Variants in PPP2R5A observed in about 807,000 individuals in gnomAD.
PPP2R5A encodes the protein serine/threonine-protein phosphatase 2A 56 kDa regulatory subunit alpha isoform.
PPP2R5A carries 25 observed loss-of-function variants against 64.2 expected under a neutral mutation model. The observed-to-expected ratio is 0.39, with a 90% CI of 0.28 to 0.54. The LOEUF (loss-of-function observed/expected upper bound fraction) is 0.54. Among genes scored for constraint, PPP2R5A ranks in the 20% least tolerant of loss-of-function variants. The pLI is 0.67. For missense variants in PPP2R5A, 425 were observed against 576.3 expected (o/e 0.74, Z 2.69); for synonymous variants, 198 against 201.2 (o/e 0.98, Z 0.13).
chr1:212,294,198 G>A (rs907952344), intron 1 of PPP2R5A, among the ~76,000 whole-genome samples: 3 of 151,926 alleles, frequency 2.0e-5, no homozygotes, highest in African/African-American at 7.3e-5. Flanking sequence ...TTGTATCAAG[G>A]ATATTCCATA....
chr1:212,329,182 C>T lies in PPP2R5A; in HGVS notation c.229C>T (p.Gln77Ter). The T allele has an allele frequency of 6.4e-7, 1 of 1,573,790 alleles. No individual in the cohort carries two copies. The highest frequency in any genetic ancestry group is 8.6e-7 in the Non-Finnish European group (1 of 1,162,242). Residue 77 changes from glutamine (Q) to a stop codon, truncating the protein, a stop_gained, in exon 2 of 13, where the codon CAG (glutamine) becomes TAG (stop). Coordinates refer to ENST00000261461, the MANE Select transcript of PPP2R5A (RefSeq NM_006243.4). LOFTEE classifies it high-confidence loss of function. ...QQELFCQKLQ[Q>*]CCILFDFMDS... ...AGAGCTTTTCTGTCAGAAGTTGCAG[C>T]AGTGTTGTATACTGTTTGATTTCAT...
chr1:212,317,549 C>T (rs1659180505), intron 1 of PPP2R5A, among the ~76,000 whole-genome samples: 2 of 151,960 alleles, frequency 1.3e-5, no homozygotes, highest in African/African-American at 4.8e-5. Context: ...TACATACTTC[C>T]ATGACATAAT....
At chr1:212,308,805 C>T (rs981049291) in intron 1 of PPP2R5A, among the ~76,000 whole-genome samples, 4 of 152,078 alleles carry the variant, frequency 2.6e-5, no homozygotes, top group Non-Finnish European at 5.9e-5. Flanking sequence ...TGCATAATTT[C>T]TGTTGATGTA....
At chr1:212,314,619 C>G (rs1450637137) in intron 1 of PPP2R5A, among the ~76,000 whole-genome samples, 1 of 148,974 alleles carries the variant, frequency 6.7e-6, no homozygotes, top group Non-Finnish European at 1.5e-5. Context: ...TGCAGTGGCT[C>G]AAGTCTCAGC....
chr1:212,312,181 G>A (rs1051572895), intron 1 of PPP2R5A, among the ~76,000 whole-genome samples: 4 of 152,206 alleles, frequency 2.6e-5, no homozygotes, highest in African/African-American at 9.7e-5. Context: ...ATAGTAGCAT[G>A]CTGACAGTTT....
intron 1 of PPP2R5A, among the ~76,000 whole-genome samples, chr1:212,302,394 T>C (rs1385594349): frequency 6.6e-6 from 1 of 152,218 alleles, no homozygotes; most frequent in East Asian, 1.9e-4. Flanking sequence ...TTTAGTATTA[T>C]AAGTTATAGG....
intron 1 of PPP2R5A, among the ~76,000 whole-genome samples, chr1:212,322,014 C>T (rs867725725): frequency 0.023 from 3,409 of 150,202 alleles, 43 homozygotes; most frequent in African/African-American, 0.027. Flanking sequence ...AGCGAAACCC[C>T]GTCTCCACCA....
chr1:212,348,280 A>G, intron 6 of PPP2R5A, 109 bp from the exon 7 acceptor site: 1 of 701,828 alleles, frequency 1.4e-6, no homozygotes, highest in Non-Finnish European at 2.5e-6. Flanking sequence ...CAGTCATACA[A>G]CACCAGGATT....
In PPP2R5A at chr1:212,286,287, C is replaced by A; in HGVS notation, c.177C>A (p.Leu59=). 6.6e-7 allele frequency: 1 copy of A among 1,516,544 alleles called. No homozygotes were observed. 93.9% of individuals were successfully genotyped at this position (1,516,544 alleles called of 1,614,324 possible). A position where few individuals can be genotyped will look rare whatever the true frequency, so the allele number is the denominator to read the frequency against. Residue 59 remains leucine (L), a synonymous_variant, in exon 1 of 13, where the codon CTC becomes CTA. Transcript: ENST00000261461. ...CAGAGCTGCACCCGCTGCCCCAGCT[C>A]AAAGGTAACCTCCGAGGGCGCAGCC... ...SQAELHPLPQ[L]KDATSNEQQE...
Position 212,358,779 on chromosome 1 carries a change from A to AAGAC in PPP2R5A, c.1324_1327dup (p.Arg443ThrfsTer11), listed in dbSNP as rs1376543976. 1 of 1,610,026 alleles carries AAGAC rather than the reference A, an allele frequency of 6.2e-7. No individual in the cohort carries two copies. Among genetic ancestry groups the AAGAC allele is most frequent in the Non-Finnish European group, 8.5e-7 (1 of 1,177,070 alleles). On this transcript the variant is annotated frameshift_variant, in exon 12 of 13. Coordinates refer to ENST00000261461, the MANE Select transcript of PPP2R5A (RefSeq NM_006243.4). LOFTEE classifies it high-confidence loss of function. ...ACCTTACTAGCTCATACAAAGCTGA[A>AAGAC]AGACAGAGGTATTTGATATTTTGAA... is the stretch of plus-strand genomic sequence containing the variant.
intron 1 of PPP2R5A, chr1:212,299,707 A>G (rs1433748707): frequency 6.6e-6 from 1 of 152,248 alleles, no homozygotes; most frequent in Non-Finnish European, 1.5e-5. Context: ...GCTTCCAGTG[A>G]ATGAACCAAC....
In PPP2R5A at chr1:212,358,854, G is replaced by C. The variant is rs1016963214; in HGVS notation, c.1328+67G>C. On this transcript the variant is annotated intron_variant, in intron 12 of 12. Coordinates refer to ENST00000261461, the MANE Select transcript of PPP2R5A (RefSeq NM_006243.4). ...TGTTAGTTGAATGTGATTCAGTTCA[G>C]GAAGGTATCTTCTCTCAGTTCAGAT... The C allele has an allele frequency of 9.6e-5, 122 of 1,271,028 alleles. No individual in the cohort carries two copies. The African/African-American group carries it at 1.7e-3, about 18-fold the overall frequency. 78.7% of individuals were successfully genotyped at this position (1,271,028 alleles called of 1,614,324 possible).
chr1:212,332,510 T>G (rs911880235), intron 2 of PPP2R5A, among the ~76,000 whole-genome samples: 1 of 152,220 alleles, frequency 6.6e-6, no homozygotes. Flanking sequence ...AAGCATGAAA[T>G]TATAAATCCT....
At chr1:212,356,769 T>C in intron 9 of PPP2R5A, 93 bp downstream of exon 9, 2 of 1,423,534 alleles carry the variant, frequency 1.4e-6, no homozygotes, top group African/African-American at 1.4e-5. Context: ...TGTATTGCTG[T>C]TGCTAAAGAG....
chr1:212,296,485 G>A (rs1050207141), intron 1 of PPP2R5A, among the ~76,000 whole-genome samples: 6 of 152,160 alleles, frequency 3.9e-5, no homozygotes, highest in African/African-American at 1.4e-4. Flanking sequence ...GATAGTTTGG[G>A]TTGCTGGCCA....
chr1:212,360,848 C>A lies in PPP2R5A; in HGVS notation c.*78C>A. The A allele has an allele frequency of 7.2e-7, 1 of 1,386,310 alleles. No individual in the cohort carries two copies. The highest frequency in any genetic ancestry group is 2.5e-5 in the East Asian group (1 of 40,592). 85.9% of individuals were successfully genotyped at this position (1,386,310 alleles called of 1,614,324 possible). On this transcript the variant is annotated 3_prime_UTR_variant, in exon 13 of 13. Transcript: ENST00000261461. ...AAATATGTAAAAATTACAAAACAAA[C>A]CTCATCAGTATAATATAATTAAAAG...
rs141270790 is a variant in PPP2R5A, at chr1:212,329,138, C to A, written c.185C>A (p.Ala62Asp). 2.7e-6 allele frequency: 4 copies of A among 1,490,970 alleles called. No homozygotes were observed. Among genetic ancestry groups the A allele is most frequent in the Non-Finnish European group, 3.6e-6 (4 of 1,117,934 alleles). The allele number at this position is 1,490,970 out of a possible 1,614,324, so 92.4% of individuals were successfully genotyped here. A position where few individuals can be genotyped will look rare whatever the true frequency, so the allele number is the denominator to read the frequency against. Residue 62 changes from alanine to aspartate, a missense_variant, in exon 2 of 13, where the codon GCC (alanine) becomes GAC (aspartate). By Grantham distance (126) the Ala-to-Asp change is moderately radical. This residue lies in a region of PPP2R5A where 104 missense variants were observed against 95.7 expected (regional missense o/e 1.09). Transcript: ENST00000261461. ...ELHPLPQLKD[A>D]TSNEQQELFC... ...TTTTCTTTATTTTTATTTATAGATG[C>A]CACTTCAAATGAACAACAAGAGCTT...
intron 1 of PPP2R5A, among the ~76,000 whole-genome samples, chr1:212,314,348 GAC>G (rs1468824342): frequency 6.6e-6 from 1 of 152,054 alleles, no homozygotes; most frequent in East Asian, 1.9e-4. Context: ...CTGAATCCCT[GAC>G]ACAAAGAAAT....
At chr1:212,312,764 G>T (rs935499107) in intron 1 of PPP2R5A, among the ~76,000 whole-genome samples, 1 of 151,592 alleles carries the variant, frequency 6.6e-6, no homozygotes, top group Non-Finnish European at 1.5e-5. Flanking sequence ...ACCCCAACAG[G>T]GAAATTACAA....
Sources: allele counts gnomAD v4.1 joint callset (sites outside exome capture counted in the v4.1 genomes callset), GRCh38; gene constraint gnomAD v4.1.1; regional missense constraint gnomAD v4.1.1; transcripts MANE v1.5; gene names NCBI Gene and HGNC (gene_info 2026-07-23, HGNC 2026-07-21).